The following DHRSX variants were observed in gnomAD, a reference collection of about 807,000 sequenced individuals.
The protein encoded by DHRSX is polyprenol dehydrogenase.
Under a neutral mutation model 34.0 loss-of-function variants are expected in DHRSX, and 31 were observed. The observed-to-expected ratio is 0.91, with a 90% CI of 0.69 to 1.23. DHRSX has a LOEUF of 1.23. DHRSX is among the 50% of genes most tolerant of loss of function. The pLI, the probability that DHRSX is intolerant of heterozygous loss-of-function variation, is 0.00. For missense variants in DHRSX, 414 were observed against 428.1 expected (o/e 0.97, Z 0.29); for synonymous variants, 201 against 183.8 (o/e 1.09, Z -0.76).
At chrX:2,384,454 C>G (rs2043247241) in intron 3 of DHRSX, among the ~76,000 whole-genome samples, 1 of 152,014 alleles carries the variant, frequency 6.6e-6, no homozygotes, top group African/African-American at 2.4e-5. Context: ...TGAGGAAAGG[C>G]AGCATAAAAG....
intron 3 of DHRSX, among the ~76,000 whole-genome samples, chrX:2,348,136 A>G (rs1490075581): frequency 6.6e-6 from 1 of 152,170 alleles, no homozygotes; most frequent in African/African-American, 2.4e-5. Flanking sequence ...ACAGTGTGTT[A>G]GTATTATAGG....
At chrX:2,431,754 A>G (rs2043926151) in intron 1 of DHRSX, among the ~76,000 whole-genome samples, 1 of 152,148 alleles carries the variant, frequency 6.6e-6, no homozygotes, top group Admixed American at 6.6e-5. Flanking sequence ...GAGCAATTCA[A>G]TGGGGCAAGG....
chrX:2,439,506 A>G (rs1403594950), intron 1 of DHRSX, among the ~76,000 whole-genome samples: 1 of 151,992 alleles, frequency 6.6e-6, no homozygotes, highest in African/African-American at 2.4e-5. Flanking sequence ...GGGGTGGGGG[A>G]TGGTTTGGGG....
chrX:2,368,100 G>A (rs1453320291), intron 3 of DHRSX, among the ~76,000 whole-genome samples: 3 of 151,264 alleles, frequency 2.0e-5, no homozygotes, highest in Non-Finnish European at 4.4e-5. Context: ...AAAATTAGCC[G>A]GGCGTGGTGC....
chrX:2,436,724 T>G (rs2043996457), intron 1 of DHRSX, among the ~76,000 whole-genome samples: 1 of 151,576 alleles, frequency 6.6e-6, no homozygotes, highest in Non-Finnish European at 1.5e-5. Context: ...CTCAAACTCC[T>G]GTTTTCAAGT....
intron 3 of DHRSX, among the ~76,000 whole-genome samples, chrX:2,368,789 G>T (rs1042696100): frequency 6.6e-6 from 1 of 152,086 alleles, no homozygotes; most frequent in African/African-American, 2.4e-5. Context: ...GGCGGAGGTT[G>T]CAGTGAGCCA....
intron 2 of DHRSX, among the ~76,000 whole-genome samples, chrX:2,420,410 A>G (rs1037064675): frequency 6.8e-6 from 1 of 147,246 alleles, no homozygotes; most frequent in Non-Finnish European, 1.5e-5. Context: ...CTCCATCTCA[A>G]AAAATAATAA....
intron 3 of DHRSX, among the ~76,000 whole-genome samples, chrX:2,310,268 CTT>C (rs1361790274): frequency 6.6e-6 from 1 of 152,096 alleles, no homozygotes; most frequent in Non-Finnish European, 1.5e-5. Context: ...TCTGGCCTCT[CTT>C]CATTCAGGAG....
chrX:2,445,483 C>A (rs1049872448), intron 1 of DHRSX, among the ~76,000 whole-genome samples: 1 of 152,048 alleles, frequency 6.6e-6, no homozygotes, highest in African/African-American at 2.4e-5. Flanking sequence ...ATGGTATTTG[C>A]TACTATCTGA....
At chrX:2,398,665 T>C (rs916629787) in intron 3 of DHRSX, among the ~76,000 whole-genome samples, 1 of 136,826 alleles carries the variant, frequency 7.3e-6, no homozygotes, top group Admixed American at 7.9e-5. Flanking sequence ...GTTAAATGCA[T>C]ATTCCTTTTT....
chrX:2,337,486 GTTTTTTT>G (rs999161065), intron 3 of DHRSX, among the ~76,000 whole-genome samples: 7 of 151,770 alleles, frequency 4.6e-5, no homozygotes, highest in African/African-American at 1.7e-4. Flanking sequence ...TTTGTTTTTT[GTTTTTTT>G]GTAAAATGAA....
intron 1 of DHRSX, among the ~76,000 whole-genome samples, chrX:2,458,537 G>A (rs1448355602): frequency 1.3e-5 from 2 of 152,168 alleles, no homozygotes; most frequent in Non-Finnish European, 2.9e-5. Context: ...AGCAACATGG[G>A]TGGGACTGAA....
chrX:2,355,538 A>AAAAAAAAAAAAAAAAAC, intron 3 of DHRSX, among the ~76,000 whole-genome samples: 1 of 142,452 alleles, frequency 7.0e-6, no homozygotes, highest in Non-Finnish European at 1.6e-5. Flanking sequence ...AAAAAAAAAA[A>AAAAAAAAAAAAAAAAAC]AAAAAAAGAC....
At chrX:2,467,720 A>G (rs558145563) in intron 1 of DHRSX, among the ~76,000 whole-genome samples, 3 of 152,228 alleles carry the variant, frequency 2.0e-5, no homozygotes, top group Admixed American at 1.3e-4. Flanking sequence ...CACACCTGTA[A>G]TCCCAGCACT....
intron 3 of DHRSX, among the ~76,000 whole-genome samples, chrX:2,369,512 T>C (rs1360832216): frequency 2.0e-5 from 3 of 152,126 alleles, no homozygotes. Flanking sequence ...GTTTTTCTTT[T>C]TGGAGACAGA....
intron 1 of DHRSX, among the ~76,000 whole-genome samples, chrX:2,475,750 C>T (rs2044670005): frequency 6.6e-6 from 1 of 152,172 alleles, no homozygotes; most frequent in Non-Finnish European, 1.5e-5. Flanking sequence ...CAAGGGAATG[C>T]ACTGAAGACC....
At chrX:2,230,175 G>A (rs190883946) in intron 6 of DHRSX, among the ~76,000 whole-genome samples, 2,961 of 151,642 alleles carry the variant, frequency 0.02, 78 homozygotes, top group African/African-American at 0.064. Flanking sequence ...GTGCAGGTGC[G>A]CGCATGTGTT....
At chrX:2,347,162 G>C (rs1354450094) in intron 3 of DHRSX, among the ~76,000 whole-genome samples, 4 of 152,140 alleles carry the variant, frequency 2.6e-5, no homozygotes, top group Non-Finnish European at 4.4e-5. Context: ...GGTTTAACTG[G>C]ACTTACAGTT....
intron 1 of DHRSX, among the ~76,000 whole-genome samples, chrX:2,492,784 G>A (rs1349389202): frequency 6.6e-6 from 1 of 152,176 alleles, no homozygotes; most frequent in African/African-American, 2.4e-5. Context: ...CGGAGGGAGC[G>A]CAGCCCTGAG....
Sources: gnomAD v4.1 joint callset for allele counts (sites outside exome capture counted in the v4.1 genomes callset) on GRCh38, gnomAD v4.1.1 for gene constraint, MANE v1.5 for transcripts, NCBI Gene and HGNC (gene_info 2026-07-23, HGNC 2026-07-21) for gene names.